The following AGAP1 variants were observed in gnomAD, a reference collection of about 807,000 sequenced individuals.
The protein encoded by AGAP1 is arf-GAP with GTPase, ANK repeat and PH domain-containing protein 1.
A neutral mutation model predicts 105.3 loss-of-function variants in AGAP1; 29 were observed. The observed-to-expected ratio is 0.28, with a 90% CI of 0.21 to 0.38. AGAP1 has a LOEUF of 0.38. AGAP1 is among the 10% of genes least tolerant of loss of function. AGAP1 has a pLI of 1.00. For synonymous variants in AGAP1, 509 were observed against 485.9 expected, an observed-to-expected ratio of 1.05 and a Z score of -0.63; for missense variants, 998 against 1,165.1, an observed-to-expected ratio of 0.86 and a Z score of 2.09.
Position 235,705,114 on chromosome 2 carries a change from G to A in AGAP1, c.164-4065G>A, listed in dbSNP as rs915779421. On this transcript the variant is annotated intron_variant, in intron 1 of 17. Transcript: ENST00000304032. This position sits in a 1 kb window ranked among gnomAD's most constrained non-coding sequence, Gnocchi z 4.9. ...CTGCCTCAGCCTCCCGAGCAGCTGG[G>A]ATTACAATCATGTGCCACCACGCCT... Among the ~76,000 whole-genome samples, 2 of 151,938 alleles carry A rather than the reference G, an allele frequency of 1.3e-5. No individual in the cohort carries two copies. The highest frequency in any genetic ancestry group is 1.9e-4 in the East Asian group (1 of 5,136).
Position 236,046,336 on chromosome 2 carries a change from T to G in AGAP1, c.1892-2723T>G, listed in dbSNP as rs1023183145. On this transcript the variant is annotated intron_variant, in intron 15 of 17. Coordinates refer to ENST00000304032, the MANE Select transcript of AGAP1 (RefSeq NM_001037131.3). This position sits in a 1 kb window ranked among gnomAD's most constrained non-coding sequence, Gnocchi z 5.2. ...GTTCAGTGGGGCCCTGGCTGCTGTG[T>G]GAAGAGGTCTGCAGGGAAGTGACGG... 2.6e-5 allele frequency among the ~76,000 whole-genome samples: 4 copies of G among 152,090 alleles called. No homozygotes were observed. The highest frequency in any genetic ancestry group is 4.4e-5 in the Non-Finnish European group (3 of 68,008).
At position 235,888,480 on chromosome 2, in the gene AGAP1, A is replaced by G. The variant is rs7569839; in HGVS notation, c.1155+5031A>G. 0.045 allele frequency among the ~76,000 whole-genome samples: 6,905 copies of G among 152,130 alleles called. 366 individuals are homozygous for G. The highest frequency in any genetic ancestry group is 0.13 in the African/African-American group (5,290 of 41,494). On this transcript the variant is annotated intron_variant, in intron 10 of 17. Coordinates refer to ENST00000304032, the MANE Select transcript of AGAP1 (RefSeq NM_001037131.3). This position sits in a 1 kb window ranked among gnomAD's most constrained non-coding sequence, Gnocchi z 4.8. ...CCAACCAGTCCTCCCTAGACAAGACAGGCAAGCAAGGGCCGAGTTGATAGA... is the reference window on the plus strand; with the variant it reads ...CCAACCAGTCCTCCCTAGACAAGACGGGCAAGCAAGGGCCGAGTTGATAGA...
At chr2:235,881,837 G>A (rs1301007269) in intron 9 of AGAP1, among the ~76,000 whole-genome samples, 4 of 152,144 alleles carry the variant, frequency 2.6e-5, no homozygotes. Flanking sequence ...AATTCTGAGT[G>A]GTTTTCAAGG....
At chr2:235,605,617 A>C (rs1413062216) in intron 1 of AGAP1, among the ~76,000 whole-genome samples, 1 of 152,248 alleles carries the variant, frequency 6.6e-6, no homozygotes, top group Non-Finnish European at 1.5e-5. Context: ...GACCAGAAGG[A>C]AAGCGATATT....
At chr2:235,786,469 T>C (rs1017152204) in intron 6 of AGAP1, among the ~76,000 whole-genome samples, 2 of 152,234 alleles carry the variant, frequency 1.3e-5, no homozygotes, top group African/African-American at 4.8e-5. Context: ...TAAGCTATGT[T>C]AGCTGCTTTT....
In AGAP1 at chr2:236,127,054, C is replaced by T. The variant is rs1576364043; in HGVS notation, c.*2932C>T. The T allele has an allele frequency of 6.6e-6, 1 of 152,330 alleles. No homozygotes were observed. The highest frequency in any genetic ancestry group is 1.9e-4 in the East Asian group (1 of 5,194). 9.4% of individuals were successfully genotyped at this position (152,330 alleles called of 1,614,324 possible). On this transcript the variant is annotated 3_prime_UTR_variant, in exon 18 of 18. Coordinates refer to ENST00000304032, the MANE Select transcript of AGAP1 (RefSeq NM_001037131.3). This position sits in a 1 kb window ranked among gnomAD's most constrained non-coding sequence, Gnocchi z 6.6. The stretch of plus-strand genomic sequence containing the variant: ...CTTTCCTGTTCAGAATTAAAACTCT[C>T]CCTTGATGAGAAACAGCCAGCTGAG...
In AGAP1 at chr2:235,843,540, C is replaced by T. The variant is rs974341024; in HGVS notation, c.1050+36209C>T. ...CACTCTTTCTGCTGTGGGATGCCTC[C>T]GCCTCCCTTCGTTCCCCATTTGCAG... On this transcript the variant is annotated intron_variant, in intron 9 of 17. Transcript: ENST00000304032. This position sits in a 1 kb window ranked among gnomAD's most constrained non-coding sequence, Gnocchi z 5.9. Among the ~76,000 whole-genome samples the T allele has an allele frequency of 6.6e-6, 1 of 152,144 alleles. No homozygotes were observed. Among genetic ancestry groups the T allele is most frequent in the African/African-American group, 2.4e-5 (1 of 41,422 alleles).
rs190374477 is a variant in AGAP1 at position 235,561,474 on chromosome 2, A to G, written c.163+66625A>G. On this transcript the variant is annotated intron_variant, in intron 1 of 17. Transcript: ENST00000304032. ...GTAATTATTAACAGTTACACCCTTT[A>G]TCTCCTGCTTCCTCTGGCTGCTGAC... Among the ~76,000 whole-genome samples, 5 of 152,150 alleles carry G rather than the reference A, an allele frequency of 3.3e-5. No individual in the cohort carries two copies. In the East Asian group the frequency reaches 9.7e-4, roughly 29 times the overall value.
chr2:235,668,032 C>T (rs868263905), intron 1 of AGAP1, among the ~76,000 whole-genome samples: 1 of 150,776 alleles, frequency 6.6e-6, no homozygotes, highest in Non-Finnish European at 1.5e-5. Context: ...GTCTTGGAGA[C>T]CCCTCCTTAC....
In AGAP1 at chr2:235,687,110, T is replaced by C. The variant is rs537467303; in HGVS notation, c.164-22069T>C. Among the ~76,000 whole-genome samples, 4 of 152,322 alleles carry C rather than the reference T, an allele frequency of 2.6e-5. No homozygotes were observed. The East Asian group carries it at 7.7e-4, about 29-fold the overall frequency. ...AGGTGGGCGGGAGCTGATAACATTCTCACTTGGCCTCAGTTTCCTCGTATG... is the reference window on the plus strand; with the variant it reads ...AGGTGGGCGGGAGCTGATAACATTCCCACTTGGCCTCAGTTTCCTCGTATG... On this transcript the variant is annotated intron_variant, in intron 1 of 17. Transcript: ENST00000304032.
rs979793019 is a variant in AGAP1 at position 236,046,486 on chromosome 2, G to A, written c.1892-2573G>A. 6.6e-6 allele frequency among the ~76,000 whole-genome samples: 1 copy of A among 152,182 alleles called. No homozygotes were observed. The highest frequency in any genetic ancestry group is 2.4e-5 in the African/African-American group (1 of 41,446). ...GGTTGAGAACCTTGTGATTGGCTGT[G>A]GGAATGATGGAAGAATTAAGGTGGA... is the stretch of plus-strand genomic sequence containing the variant. On this transcript the variant is annotated intron_variant, in intron 15 of 17. Transcript: ENST00000304032. This position sits in a 1 kb window ranked among gnomAD's most constrained non-coding sequence, Gnocchi z 5.2.
Position 236,050,238 on chromosome 2 carries a change from G to A in AGAP1, c.2114+957G>A, listed in dbSNP as rs981027454. Reference sequence around the variant, plus strand: ...GTTTCTACTGCAGAGCAGTAAGAACGTGAGAAGCGTTCGTGGACTTCAGTT... The same window carrying A: ...GTTTCTACTGCAGAGCAGTAAGAACATGAGAAGCGTTCGTGGACTTCAGTT... On this transcript the variant is annotated intron_variant, in intron 16 of 17. Transcript: ENST00000304032. This position sits in a 1 kb window ranked among gnomAD's most constrained non-coding sequence, Gnocchi z 4.0. Among the ~76,000 whole-genome samples, 5 of 152,220 alleles carry A rather than the reference G, an allele frequency of 3.3e-5. No homozygotes were observed. Among genetic ancestry groups the A allele is most frequent in the Middle Eastern group, 3.2e-3 (1 of 316 alleles).
At chr2:235,806,219 A>G (rs947492952) in intron 8 of AGAP1, among the ~76,000 whole-genome samples, 1 of 152,170 alleles carries the variant, frequency 6.6e-6, no homozygotes, top group Admixed American at 6.5e-5. Flanking sequence ...TGTTCATTTC[A>G]TATATCATCT....
Position 236,062,664 on chromosome 2 carries a change from TTTTG to T in AGAP1, c.2114+13396_2114+13399del, listed in dbSNP as rs928472478. ...CTATTTTGTTTGTTTGTTTGTTTGT[TTTTG>T]TTTGTTTGTTTGAGATGGAATCTCA... On this transcript the variant is annotated intron_variant, in intron 16 of 17. Coordinates refer to ENST00000304032, the MANE Select transcript of AGAP1 (RefSeq NM_001037131.3). This position sits in a 1 kb window ranked among gnomAD's most constrained non-coding sequence, Gnocchi z 4.2. 1.4e-4 allele frequency among the ~76,000 whole-genome samples: 20 copies of T among 147,196 alleles called. No homozygotes were observed. The highest frequency in any genetic ancestry group is 1.3e-3 in the South Asian group (6 of 4,752).
chr2:235,783,214 T>A (rs1878153), intron 6 of AGAP1: 83,953 of 363,874 alleles, frequency 0.23, 10,950 homozygotes, highest in Admixed American at 0.39. Context: ...GATACTTTCC[T>A]AAGGTAGTTT....
chr2:236,123,332 C>T lies in AGAP1; in HGVS notation c.2371-587C>T, dbSNP rs979887281. Among the ~76,000 whole-genome samples the T allele has an allele frequency of 3.7e-4, 57 of 152,244 alleles. No homozygotes were observed. Among genetic ancestry groups the T allele is most frequent in the African/African-American group, 1.3e-3 (54 of 41,554 alleles). On this transcript the variant is annotated intron_variant, in intron 17 of 17. Coordinates refer to ENST00000304032, the MANE Select transcript of AGAP1 (RefSeq NM_001037131.3). This position sits in a 1 kb window ranked among gnomAD's most constrained non-coding sequence, Gnocchi z 4.6. ...CTGGGCTGAAGTGAACCACCGCACC[C>T]AGCTTGTGTTGTGCTTCTGAGTAAT...
intron 1 of AGAP1, among the ~76,000 whole-genome samples, chr2:235,661,331 G>A (rs559504011): frequency 6.0e-4 from 92 of 152,236 alleles, no homozygotes; most frequent in Non-Finnish European, 8.2e-4. Flanking sequence ...TTCCTCTGCC[G>A]CCTGAAGGAA....
chr2:235,802,480 A>T (rs1559504977), intron 8 of AGAP1, among the ~76,000 whole-genome samples: 2 of 152,380 alleles, frequency 1.3e-5, no homozygotes, highest in Admixed American at 1.3e-4. Flanking sequence ...CAGCTGTCCC[A>T]TGGCATTAGT....
intron 16 of AGAP1, among the ~76,000 whole-genome samples, chr2:236,116,307 T>G (rs542376198): frequency 6.6e-6 from 1 of 152,068 alleles, no homozygotes; most frequent in East Asian, 1.9e-4. Flanking sequence ...CAATGCTGAT[T>G]TTTTTTCCAT....
Sources: gnomAD v4.1 joint callset for allele counts (sites outside exome capture counted in the v4.1 genomes callset) on GRCh38, gnomAD v4.1.1 for gene constraint, Gnocchi (gnomAD v3.1) non-coding constraint, MANE v1.5 for transcripts, NCBI Gene and HGNC (gene_info 2026-07-23, HGNC 2026-07-21) for gene names.